KCNMB3: variants seen among roughly 807,000 people sequenced by gnomAD.
The protein encoded by KCNMB3 is calcium-activated potassium channel subunit beta-3.
In KCNMB3, 18 loss-of-function variants were observed where a neutral mutation model predicts 11.9. The ratio of observed to expected loss-of-function variants is 1.51; its 90% CI spans 1.04 to 2.23. The LOEUF (loss-of-function observed/expected upper bound fraction) is 2.23. Among genes scored for constraint, KCNMB3 ranks in the 30% most tolerant of loss-of-function variants. The pLI is 0.00. For synonymous variants in KCNMB3, 78 were observed against 119.2 expected (o/e 0.65, Z 2.25); for missense variants, 247 against 329.4 (o/e 0.75, Z 1.94).
At position 179,265,541 on chromosome 3, in the gene KCNMB3, C is replaced by T. The variant is rs149428220; in HGVS notation, c.62+1108G>A. Among the ~76,000 whole-genome samples, 953 of 152,332 alleles carry T rather than the reference C, an allele frequency of 6.3e-3. 9 individuals carry two copies. Among genetic ancestry groups the T allele is most frequent in the African/African-American group, 0.022 (895 of 41,552 alleles). On this transcript the variant is annotated intron_variant, in intron 1 of 3. Coordinates refer to the KCNMB3 transcript ENST00000349697. ...GCACAATCTCTGCTCACTGCAACCT[C>T]CTCCTCCCAGGTTCAAGCAATTCTC...
chr3:179,266,719 G>A (rs369497069), exon 1 of KCNMB3: 20 of 1,613,780 alleles, frequency 1.2e-5, no homozygotes, highest in Non-Finnish European at 1.7e-5. Flanking sequence ...ATGAGGCCAG[G>A]GGTCTGAGAA....
At position 179,251,047 on chromosome 3, in the gene KCNMB3, G is replaced by T. The variant is rs1201084578; in HGVS notation, c.-57C>A. On this transcript the variant is annotated 5_prime_UTR_variant, in exon 1 of 3. Coordinates refer to ENST00000392685, the MANE Select transcript of KCNMB3 (RefSeq NM_171830.2). ...CATTTGCTGCCTACCTGTGTCTCGT[G>T]AGCAGGATGAATGCAACAAAATGAA... The T allele has an allele frequency of 6.2e-7, 1 of 1,614,204 alleles. No individual in the cohort carries two copies.
chr3:179,261,276 T>C, intron 1 of KCNMB3: 2 of 1,292,202 alleles, frequency 1.5e-6, no homozygotes, highest in Non-Finnish European at 2.0e-6. Flanking sequence ...CTGGTCAACC[T>C]GCTGGGCTCG....
chr3:179,260,944 T>C, intron 1 of KCNMB3: 2 of 1,103,522 alleles, frequency 1.8e-6, no homozygotes, highest in Non-Finnish European at 2.7e-6. Flanking sequence ...TCTCTTCAAC[T>C]TCTGCTAGAG....
chr3:179,262,147 G>C (rs1374171484), intron 1 of KCNMB3, among the ~76,000 whole-genome samples: 2 of 152,170 alleles, frequency 1.3e-5, no homozygotes, highest in African/African-American at 2.4e-5. Flanking sequence ...CAGTAATTTA[G>C]ATAGCTTGAC....
chr3:179,248,727 C>CAA (rs543706677), intron 1 of KCNMB3, among the ~76,000 whole-genome samples: 88 of 80,234 alleles, frequency 1.1e-3, no homozygotes, highest in East Asian at 1.6e-3. Context: ...CACCCTGCTT[C>CAA]AAAAAAAAAA....
At chr3:179,253,317 G>C (rs1040244445), upstream of KCNMB3, among the ~76,000 whole-genome samples, 1 of 152,054 alleles carries the variant, frequency 6.6e-6, no homozygotes, top group African/African-American at 2.4e-5. Flanking sequence ...TAAAAAACCG[G>C]CATAACCCGA....
chr3:179,262,579 G>C (rs1008125476), intron 1 of KCNMB3, among the ~76,000 whole-genome samples: 1 of 152,206 alleles, frequency 6.6e-6, no homozygotes, highest in African/African-American at 2.4e-5. Flanking sequence ...GCCACTGCTG[G>C]CTGGGGCAGC....
rs79595308 is a variant in KCNMB3, at chr3:179,263,591, A to G, written c.62+3058T>C. ...ACAAAGAATTCCTCAACAAATGTCA[A>G]ATGATTCATGAAAGTAATATATTTT... On this transcript the variant is annotated intron_variant, in intron 1 of 3. Transcript: ENST00000349697. Among the ~76,000 whole-genome samples, 294 of 152,320 alleles carry G rather than the reference A, an allele frequency of 1.9e-3. 5 individuals carry two copies. The highest frequency in any genetic ancestry group is 6.5e-3 in the African/African-American group (269 of 41,572).
At chr3:179,263,092 G>A (rs979839652) in intron 1 of KCNMB3, among the ~76,000 whole-genome samples, 4 of 152,356 alleles carry the variant, frequency 2.6e-5, no homozygotes, top group South Asian at 4.1e-4. Context: ...ACTGGGTGCC[G>A]TGGAGCAGGG....
chr3:179,259,468 C>T, intron 1 of KCNMB3: 1 of 1,612,910 alleles, frequency 6.2e-7, no homozygotes, highest in Non-Finnish European at 8.5e-7. Flanking sequence ...ACATCATTGC[C>T]TTCTTGGTCA....
At chr3:179,259,059 T>A in intron 1 of KCNMB3, 3 of 1,611,858 alleles carry the variant, frequency 1.9e-6, no homozygotes, top group Non-Finnish European at 2.5e-6. Flanking sequence ...GCCCTTCTCG[T>A]TCCCTCCTCT....
chr3:179,243,095 G>C lies in KCNMB3; in HGVS notation c.637C>G (p.Pro213Ala). The part of the protein sequence containing the change: ...QMAIFHCLFW[P>A]SLTLLGGALI... ...GCACCACCTAGCAGAGTCAGTGAAG[G>C]CCAAAATAAACAGTGGAAGATAGCC... The change falls in exon 3 of 3, where the codon CCT (proline) becomes GCT (alanine). Residue 213 changes from proline (P) to alanine (A), a missense_variant. Transcript: ENST00000392685. 6.4e-7 allele frequency: 1 copy of C among 1,550,630 alleles called. No individual in the cohort carries two copies. The highest frequency in any genetic ancestry group is 8.7e-7 in the Non-Finnish European group (1 of 1,147,392).
At chr3:179,261,457 G>A (rs1726209030) in intron 1 of KCNMB3, among the ~76,000 whole-genome samples, 1 of 151,934 alleles carries the variant, frequency 6.6e-6, no homozygotes, top group Non-Finnish European at 1.5e-5. Context: ...CGCGGGACTG[G>A]GCTCGGGCGC....
intron 1 of KCNMB3, among the ~76,000 whole-genome samples, chr3:179,262,179 T>C (rs1726235427): frequency 6.6e-6 from 1 of 152,186 alleles, no homozygotes; most frequent in African/African-American, 2.4e-5. Flanking sequence ...AGTAGGGTAA[T>C]AGATTTAAGT....
rs1326960414 is a variant in KCNMB3 at position 179,250,856 on chromosome 3, C to T, written c.135G>A (p.Leu45=). 6.2e-7 allele frequency: 1 copy of T among 1,614,176 alleles called. No individual in the cohort carries two copies. Among genetic ancestry groups the T allele is most frequent in the South Asian group, 1.1e-5 (1 of 91,080 alleles). The change falls in exon 1 of 3, where the codon CTG becomes CTA. Residue 45 remains leucine (L), a synonymous_variant. Coordinates refer to ENST00000392685, the MANE Select transcript of KCNMB3 (RefSeq NM_171830.2). ...CTCGGTCCTCTCCAGCACTGGATGG[C>T]AGCCTCTTGTGCACATCTAGTGGGT... ...DGDPLDVHKR[L]PSSAGEDRAV...
chr3:179,259,235 G>T, intron 1 of KCNMB3: 2 of 1,536,564 alleles, frequency 1.3e-6, no homozygotes, highest in African/African-American at 2.8e-5. Context: ...CATCACTAAT[G>T]TCCTGTGAGG....
chr3:179,247,329 G>A (rs1035316378), intron 1 of KCNMB3, among the ~76,000 whole-genome samples: 1 of 149,740 alleles, frequency 6.7e-6, no homozygotes, highest in Non-Finnish European at 1.5e-5. Context: ...AAATTACATA[G>A]ACATGTAATG....
chr3:179,249,036 A>C (rs539738194), intron 1 of KCNMB3, among the ~76,000 whole-genome samples: 223 of 129,788 alleles, frequency 1.7e-3, no homozygotes, highest in Admixed American at 4.0e-3. Flanking sequence ...TTTTTGAGAC[A>C]GAGTCTCGCT....
Sources: allele counts gnomAD v4.1 joint callset (sites outside exome capture counted in the v4.1 genomes callset), GRCh38; gene constraint gnomAD v4.1.1; transcripts MANE v1.5; gene names NCBI Gene and HGNC (gene_info 2026-07-23, HGNC 2026-07-21).